The following ATP10B variants were observed in gnomAD, a reference collection of about 807,000 sequenced individuals.
The protein encoded by ATP10B is ATPase phospholipid transporting 10B (putative).
A neutral mutation model predicts 141.2 loss-of-function variants in ATP10B; 122 were observed. That is an observed-to-expected ratio of 0.86 (90% CI 0.75 to 1.00). The LOEUF (loss-of-function observed/expected upper bound fraction) is 1.00, where lower values mean the gene tolerates loss of function less well. Among genes scored for constraint, ATP10B ranks in the 50% least tolerant of loss-of-function variants. The pLI is 0.00. For missense variants in ATP10B, 1,876 were observed against 1,825.3 expected, an observed-to-expected ratio of 1.03 and a Z score of -0.51; for synonymous variants, 685 against 692.0, an observed-to-expected ratio of 0.99 and a Z score of 0.16.
intron 2 of ATP10B, among the ~76,000 whole-genome samples, chr5:160,737,572 AT>A (rs1221768909): frequency 2.6e-5 from 4 of 152,214 alleles, no homozygotes; most frequent in Non-Finnish European, 5.9e-5. Flanking sequence ...AAAAATCAAC[AT>A]AAAAAAATCA....
the ATP10B span, among the ~76,000 whole-genome samples, chr5:160,865,077 A>G: frequency 6.6e-6 from 1 of 152,128 alleles, no homozygotes. Context: ...AGACAATCCT[A>G]GAATTCATAT....
the ATP10B span, among the ~76,000 whole-genome samples, chr5:160,887,767 G>T: frequency 2.6e-5 from 4 of 152,254 alleles, no homozygotes; most frequent in South Asian, 4.1e-4. Flanking sequence ...ATACCTGTGT[G>T]GCTTTTTCCT....
chr5:160,704,459 G>T (rs1442269741), intron 3 of ATP10B, among the ~76,000 whole-genome samples: 1 of 152,146 alleles, frequency 6.6e-6, no homozygotes, highest in African/African-American at 2.4e-5. Flanking sequence ...AAACAGATGT[G>T]CTATCCTCTA....
rs978954346 is a variant in ATP10B, at chr5:160,690,134, T to C, written c.-204-1191A>G. Among the ~76,000 whole-genome samples the C allele has an allele frequency of 5.3e-5, 8 of 152,200 alleles. 1 individual carries two copies. Among genetic ancestry groups the C allele is most frequent in the African/African-American group, 1.7e-4 (7 of 41,418 alleles). On this transcript the variant is annotated intron_variant, in intron 3 of 25. Coordinates refer to ENST00000327245, the MANE Select transcript of ATP10B (RefSeq NM_025153.3). ...GGATTCCTTATTTAATAAATGGTGC[T>C]GGGAAAGCTGACTAGCCATATGCAG...
chr5:160,898,188 G>T, the ATP10B span, among the ~76,000 whole-genome samples: 2 of 152,242 alleles, frequency 1.3e-5, no homozygotes, highest in African/African-American at 4.8e-5. Flanking sequence ...CACAGCAAAA[G>T]AAACTATCAT....
intron 13 of ATP10B, among the ~76,000 whole-genome samples, chr5:160,628,044 T>A (rs1758701457): frequency 6.6e-6 from 1 of 152,234 alleles, no homozygotes; most frequent in Non-Finnish European, 1.5e-5. Context: ...GCTAACACTG[T>A]TTAGGGCAGT....
intron 10 of ATP10B, 51 bp downstream of exon 10, chr5:160,640,410 G>T (rs767784453): frequency 6.3e-7 from 1 of 1,584,858 alleles, no homozygotes; most frequent in Non-Finnish European, 8.6e-7. Flanking sequence ...GAAGAAACTT[G>T]CCCAAATAAA....
At chr5:160,590,966 G>A (rs1319249832) in intron 23 of ATP10B, 93 bp downstream of exon 23, 1 of 1,090,182 alleles carries the variant, frequency 9.2e-7, no homozygotes, top group South Asian at 1.3e-5. Flanking sequence ...GCTCTAAAGT[G>A]TCCAGAAGGA....
At chr5:160,849,733 T>G (rs1753683464) in intron 1 of ATP10B, among the ~76,000 whole-genome samples, 1 of 152,118 alleles carries the variant, frequency 6.6e-6, no homozygotes, top group Non-Finnish European at 1.5e-5. Context: ...CAAGTTTTAT[T>G]CCAAAGCCCG....
intron 2 of ATP10B, among the ~76,000 whole-genome samples, chr5:160,758,525 A>G (rs1768799942): frequency 6.6e-6 from 1 of 152,316 alleles, no homozygotes; most frequent in South Asian, 2.1e-4. Flanking sequence ...CTGACTGATC[A>G]AAACATTGAC....
chr5:160,823,792 G>T (rs1774357299), intron 1 of ATP10B, among the ~76,000 whole-genome samples: 1 of 151,914 alleles, frequency 6.6e-6, no homozygotes, highest in Non-Finnish European at 1.5e-5. Context: ...TGAGATCGCG[G>T]CGCTGCACTC....
chr5:160,835,998 C>T (rs1188807498), intron 1 of ATP10B, among the ~76,000 whole-genome samples: 1 of 151,980 alleles, frequency 6.6e-6, no homozygotes, highest in African/African-American at 2.4e-5. Flanking sequence ...AACTCAGAAA[C>T]AGAAACTCAA....
Position 160,717,036 on chromosome 5 carries a change from T to C in ATP10B, c.-330-2A>G. The C allele has an allele frequency of 1.0e-6, 1 of 985,438 alleles. No homozygotes were observed. The highest frequency in any genetic ancestry group is 1.2e-6 in the Non-Finnish European group (1 of 829,908). The allele number at this position is 985,438 out of a possible 1,614,324, so 61.0% of individuals were successfully genotyped here. A position where few individuals can be genotyped will look rare whatever the true frequency, so the allele number is the denominator to read the frequency against. ...GTTGATCAGAATAAATTGCAAGTTCTGTAAGCAAGAAAAGAAAATATTGAG... is the reference window on the plus strand; with the variant it reads ...GTTGATCAGAATAAATTGCAAGTTCCGTAAGCAAGAAAAGAAAATATTGAG... On this transcript the variant is annotated splice_acceptor_variant, in intron 2 of 25. Coordinates refer to ENST00000327245, the MANE Select transcript of ATP10B (RefSeq NM_025153.3). LOFTEE classifies it low-confidence loss of function (5UTR_SPLICE).
intron 6 of ATP10B, among the ~76,000 whole-genome samples, chr5:160,671,164 CAAAA>C (rs1167788105): frequency 5.8e-3 from 137 of 23,718 alleles, no homozygotes; most frequent in South Asian, 0.028. Context: ...GACTCTGTCT[CAAAA>C]AAAAAAAAAA....
chr5:160,867,361 C>T, the ATP10B span, among the ~76,000 whole-genome samples: 1 of 152,018 alleles, frequency 6.6e-6, no homozygotes, highest in Admixed American at 6.6e-5. Flanking sequence ...ACTTACCTAG[C>T]TATAGCACTG....
the ATP10B span, among the ~76,000 whole-genome samples, chr5:160,859,028 A>G: frequency 6.6e-6 from 1 of 151,802 alleles, no homozygotes; most frequent in African/African-American, 2.4e-5. Flanking sequence ...TTCCTTTCTG[A>G]TGTTCCAAGA....
rs1581324683 is a variant in ATP10B at position 160,672,092 on chromosome 5, T to A, written c.471-1425A>T. On this transcript the variant is annotated intron_variant, in intron 6 of 25. Coordinates refer to ENST00000327245, the MANE Select transcript of ATP10B (RefSeq NM_025153.3). ...CCCAGGGTCAAGTGATCCTCCTTCC[T>A]CAGCCTCCTGAGTAGCTGGGATTAT... Among the ~76,000 whole-genome samples, 7 of 145,726 alleles carry A rather than the reference T, an allele frequency of 4.8e-5. No homozygotes were observed. In the East Asian group the frequency reaches 1.5e-3, roughly 31 times the overall value.
At chr5:160,577,006 G>A (rs993984217) in intron 24 of ATP10B, among the ~76,000 whole-genome samples, 1 of 152,182 alleles carries the variant, frequency 6.6e-6, no homozygotes, top group Non-Finnish European at 1.5e-5. Flanking sequence ...CACCTCAGCT[G>A]GAATGCTGAT....
At chr5:160,748,596 G>A (rs1216251871) in intron 2 of ATP10B, among the ~76,000 whole-genome samples, 2 of 152,176 alleles carry the variant, frequency 1.3e-5, no homozygotes, top group Non-Finnish European at 2.9e-5. Context: ...GCTCCTGCAG[G>A]GGTGCTTCAA....
Sources: allele counts gnomAD v4.1 joint callset (sites outside exome capture counted in the v4.1 genomes callset), GRCh38; gene constraint gnomAD v4.1.1; transcripts MANE v1.5; gene names NCBI Gene and HGNC (gene_info 2026-07-23, HGNC 2026-07-21).